KLRG1: variants seen among roughly 807,000 people sequenced by gnomAD.
KLRG1 encodes killer cell lectin-like receptor subfamily G member 1.
Under a neutral mutation model 21.8 loss-of-function variants are expected in KLRG1, and 16 were observed. That is an observed-to-expected ratio of 0.73 (90% confidence interval 0.50 to 1.11). The LOEUF is 1.11. Ranked by LOEUF, KLRG1 falls within the 50% of genes most tolerant of loss-of-function variation. The pLI, the probability that KLRG1 is intolerant of heterozygous loss-of-function variation, is 0.00. For missense variants in KLRG1, 173 were observed against 218.3 expected, an observed-to-expected ratio of 0.79 and a Z score of 1.31; for synonymous variants, 69 against 75.9, an observed-to-expected ratio of 0.91 and a Z score of 0.47.
intron 1 of KLRG1, among the ~76,000 whole-genome samples, chr12:8,973,714 A>C (rs760983796): frequency 6.6e-6 from 1 of 152,332 alleles, no homozygotes; most frequent in South Asian, 2.1e-4. Context: ...TCTGTGTCTT[A>C]TTTAATTTCC....
chr12:9,143,556 C>G, the KLRG1 span, among the ~76,000 whole-genome samples: 1 of 152,014 alleles, frequency 6.6e-6, no homozygotes, highest in African/African-American at 2.4e-5. Flanking sequence ...ATGAGGGGTG[C>G]AAGCTTGACA....
chr12:9,076,294 A>G, the KLRG1 span, among the ~76,000 whole-genome samples: 1 of 152,256 alleles, frequency 6.6e-6, no homozygotes, highest in Non-Finnish European at 1.5e-5. Flanking sequence ...TTTTACGTGT[A>G]CCAATTCATT....
the KLRG1 span, among the ~76,000 whole-genome samples, chr12:9,054,446 A>C: frequency 6.6e-6 from 1 of 152,084 alleles, no homozygotes; most frequent in Non-Finnish European, 1.5e-5. Flanking sequence ...TTTAATTTTT[A>C]TGGATACATA....
At chr12:9,092,851 T>A in the KLRG1 span, among the ~76,000 whole-genome samples, 4 of 152,304 alleles carry the variant, frequency 2.6e-5, no homozygotes, top group South Asian at 8.3e-4. Flanking sequence ...TGCCAAGATA[T>A]AAAAACAACC....
the KLRG1 span, among the ~76,000 whole-genome samples, chr12:9,153,677 A>G: frequency 6.6e-6 from 1 of 152,238 alleles, no homozygotes. Flanking sequence ...TTGACCAGTT[A>G]GATGGAAGAG....
the KLRG1 span, chr12:9,095,081 T>C: frequency 1.4e-5 from 22 of 1,544,442 alleles, no homozygotes; most frequent in Admixed American, 8.9e-5. Context: ...TTTAAGCCCA[T>C]GTCCTGCAAA....
chr12:9,118,535 A>G, the KLRG1 span, among the ~76,000 whole-genome samples: 1 of 152,246 alleles, frequency 6.6e-6, no homozygotes, highest in Non-Finnish European at 1.5e-5. Flanking sequence ...TGAGTCATCA[A>G]AAGTCTACGC....
At chr12:9,059,996 C>CTTT in the KLRG1 span, among the ~76,000 whole-genome samples, 80 of 75,560 alleles carry the variant, frequency 1.1e-3, 5 homozygotes, top group African/African-American at 2.9e-3. Flanking sequence ...GCCCTGGCAT[C>CTTT]TTTTTTTTTT....
the KLRG1 span, chr12:9,113,626 TATC>T: frequency 1.5e-6 from 2 of 1,335,184 alleles, no homozygotes; most frequent in South Asian, 2.6e-5. Context: ...TCATCATAAT[TATC>T]ATCATCAGTT....
At chr12:8,998,942 A>C (rs1947225040) in intron 3 of KLRG1, among the ~76,000 whole-genome samples, 1 of 152,122 alleles carries the variant, frequency 6.6e-6, no homozygotes, top group Non-Finnish European at 1.5e-5. Context: ...GCTGGTCTTG[A>C]ACTCCTGGGC....
At chr12:9,213,766 C>T in the KLRG1 span, among the ~76,000 whole-genome samples, 326 of 152,010 alleles carry the variant, frequency 2.1e-3, 6 homozygotes, top group African/African-American at 7.5e-3. Flanking sequence ...CAAATATTTA[C>T]TCCTGTTCTG....
At chr12:9,204,484 T>C in the KLRG1 span, among the ~76,000 whole-genome samples, 23 of 152,326 alleles carry the variant, frequency 1.5e-4, no homozygotes, top group African/African-American at 5.1e-4. Flanking sequence ...AACACATGTC[T>C]ATATTGCAAA....
At chr12:9,197,593 TATA>T in the KLRG1 span, among the ~76,000 whole-genome samples, 1 of 92,776 alleles carries the variant, frequency 1.1e-5, no homozygotes, top group Non-Finnish European at 1.9e-5. Flanking sequence ...TAATATAATA[TATA>T]AATATAATAT....
At chr12:9,095,544 G>A in the KLRG1 span, 93 of 1,610,680 alleles carry the variant, frequency 5.8e-5, 1 homozygote, top group South Asian at 7.8e-4. Flanking sequence ...TTTACCTCTA[G>A]GAAGCTGTAC....
chr12:9,079,051 A>C, the KLRG1 span, among the ~76,000 whole-genome samples: 3 of 152,098 alleles, frequency 2.0e-5, no homozygotes, highest in East Asian at 5.8e-4. Context: ...TTTGGAAACA[A>C]GCCTAACATA....
chr12:8,996,157 G>A lies in KLRG1; in HGVS notation c.357+869G>A, dbSNP rs1203569954. ...TATAAGGAAGAAAACACGCGTGCAC[G>A]TGCATGTGTGTGTGTGTGTGGTGGC... is the stretch of plus-strand genomic sequence containing the variant. On this transcript the variant is annotated intron_variant, in intron 3 of 4. Transcript: ENST00000356986. Among the ~76,000 whole-genome samples, 8 of 152,242 alleles carry A rather than the reference G, an allele frequency of 5.3e-5. No homozygotes were observed. The South Asian group carries it at 8.3e-4, about 16-fold the overall frequency.
the KLRG1 span, chr12:9,202,583 G>A: frequency 6.2e-7 from 1 of 1,614,098 alleles, no homozygotes; most frequent in Non-Finnish European, 8.5e-7. Flanking sequence ...GACTTTGGGT[G>A]TTCAGTACCA....
At chr12:8,963,093 A>G (rs1424835875) in intron 1 of KLRG1, among the ~76,000 whole-genome samples, 3 of 152,222 alleles carry the variant, frequency 2.0e-5, no homozygotes, top group African/African-American at 7.2e-5. Context: ...ATCAGAAACT[A>G]TGCAAGCTGG....
In KLRG1 at chr12:8,999,043, T is replaced by C. The variant is rs191507029; in HGVS notation, c.357+3755T>C. The stretch of plus-strand genomic sequence containing the variant: ...AGTGAGATGCTTTCTTATTATCTCT[T>C]TTTTTTTTCTATCTGGGACTTCAAG... On this transcript the variant is annotated intron_variant, in intron 3 of 4. Coordinates refer to ENST00000356986, the MANE Select transcript of KLRG1 (RefSeq NM_005810.4). Among the ~76,000 whole-genome samples the C allele has an allele frequency of 9.8e-4, 148 of 151,334 alleles. 1 individual carries two copies. The highest frequency in any genetic ancestry group is 3.5e-3 in the African/African-American group (144 of 41,244).
Sources: gnomAD v4.1 joint callset for allele counts (sites outside exome capture counted in the v4.1 genomes callset) on GRCh38, gnomAD v4.1.1 for gene constraint, MANE v1.5 for transcripts, NCBI Gene and HGNC (gene_info 2026-07-23, HGNC 2026-07-21) for gene names.